The following TAS2R1 variants were observed in gnomAD, a reference collection of about 807,000 sequenced individuals.
TAS2R1 encodes the protein taste receptor type 2 member 1.
For synonymous variants in TAS2R1, 141 were observed against 134.2 expected, an observed-to-expected ratio of 1.05 and a Z score of -0.35; for missense variants, 370 against 353.4, an observed-to-expected ratio of 1.05 and a Z score of -0.38.
chr5:9,654,465 C>A (rs560494224), intron 2 of TAS2R1, among the ~76,000 whole-genome samples: 107 of 152,028 alleles, frequency 7.0e-4, no homozygotes, highest in African/African-American at 2.4e-3. Context: ...AGTCAGCAAT[C>A]TTTTGGAACA....
the TAS2R1 span, among the ~76,000 whole-genome samples, chr5:9,824,913 C>T: frequency 6.6e-6 from 1 of 151,088 alleles, no homozygotes; most frequent in Admixed American, 6.6e-5. Context: ...AGGTATCTAT[C>T]CCACCTGGAG....
At chr5:9,674,934 T>C (rs1188778918) in intron 1 of TAS2R1, among the ~76,000 whole-genome samples, 1 of 151,988 alleles carries the variant, frequency 6.6e-6, no homozygotes, top group African/African-American at 2.4e-5. Context: ...GACATTCTTG[T>C]GTATGTAAAA....
the TAS2R1 span, among the ~76,000 whole-genome samples, chr5:9,846,081 T>C: frequency 7.7e-3 from 1,166 of 152,312 alleles, 7 homozygotes; most frequent in Middle Eastern, 0.02. Context: ...TATTTTTTAA[T>C]AGTAGAAAAA....
At chr5:9,743,819 T>TGAGGAG in the TAS2R1 span, among the ~76,000 whole-genome samples, 1 of 151,864 alleles carries the variant, frequency 6.6e-6, no homozygotes, top group Non-Finnish European at 1.5e-5. Flanking sequence ...CAAAGGCAAG[T>TGAGGAG]GAGGAGGAGG....
the TAS2R1 span, among the ~76,000 whole-genome samples, chr5:9,840,806 T>C: frequency 6.6e-6 from 1 of 151,136 alleles, no homozygotes; most frequent in African/African-American, 2.4e-5. Flanking sequence ...ATGTTATCTA[T>C]TCACATTCAC....
At chr5:9,869,499 C>A in the TAS2R1 span, among the ~76,000 whole-genome samples, 1 of 152,116 alleles carries the variant, frequency 6.6e-6, no homozygotes, top group East Asian at 1.9e-4. Flanking sequence ...CAGGTCATTC[C>A]CACGACATGT....
At chr5:9,698,375 A>G (rs1274809003) in intron 1 of TAS2R1, among the ~76,000 whole-genome samples, 3 of 152,194 alleles carry the variant, frequency 2.0e-5, no homozygotes, top group Non-Finnish European at 4.4e-5. Flanking sequence ...ATGTTTGATC[A>G]CTACAGCAGT....
the TAS2R1 span, among the ~76,000 whole-genome samples, chr5:9,864,165 T>C: frequency 6.6e-6 from 1 of 152,188 alleles, no homozygotes; most frequent in African/African-American, 2.4e-5. Flanking sequence ...TAAGTGCATA[T>C]TTCTTCTTGA....
the TAS2R1 span, among the ~76,000 whole-genome samples, chr5:9,767,648 G>A: frequency 2.5e-4 from 38 of 152,230 alleles, no homozygotes; most frequent in South Asian, 2.1e-3. Context: ...AACCAGATCA[G>A]GTGGGGCGTG....
the TAS2R1 span, among the ~76,000 whole-genome samples, chr5:9,738,910 C>T: frequency 6.6e-6 from 1 of 152,118 alleles, no homozygotes; most frequent in African/African-American, 2.4e-5. Context: ...CACTATAAAG[C>T]TAAGCTGTGT....
the TAS2R1 span, among the ~76,000 whole-genome samples, chr5:9,744,847 CA>C: frequency 2.0e-5 from 3 of 152,116 alleles, no homozygotes; most frequent in Admixed American, 2.0e-4. Flanking sequence ...AACATGTATA[CA>C]ATGTTATGGT....
At chr5:9,687,184 T>C (rs960451993) in intron 1 of TAS2R1, among the ~76,000 whole-genome samples, 1 of 152,156 alleles carries the variant, frequency 6.6e-6, no homozygotes, top group Admixed American at 6.5e-5. Flanking sequence ...TTGGTCAGCA[T>C]AGTCTCGAAC....
At chr5:9,736,975 T>TCCCC in the TAS2R1 span, among the ~76,000 whole-genome samples, 9 of 152,356 alleles carry the variant, frequency 5.9e-5, no homozygotes, top group East Asian at 1.7e-3. Context: ...TGGCACTTTA[T>TCCCC]TTAACTCTTC....
chr5:9,709,626 C>T (rs1396931072), intron 1 of TAS2R1, among the ~76,000 whole-genome samples: 1 of 152,190 alleles, frequency 6.6e-6, no homozygotes, highest in Non-Finnish European at 1.5e-5. Context: ...TCTCTGAGGA[C>T]AGCCACTGCC....
At chr5:9,846,361 C>A in the TAS2R1 span, among the ~76,000 whole-genome samples, 1 of 152,176 alleles carries the variant, frequency 6.6e-6, no homozygotes, top group African/African-American at 2.4e-5. Flanking sequence ...CCATTCTGGT[C>A]TCCTCATAGT....
At chr5:9,832,589 T>C in the TAS2R1 span, among the ~76,000 whole-genome samples, 1 of 152,202 alleles carries the variant, frequency 6.6e-6, no homozygotes, top group South Asian at 2.1e-4. Context: ...AAATTAACTG[T>C]TGGGATTCAA....
the TAS2R1 span, among the ~76,000 whole-genome samples, chr5:9,805,983 T>C: frequency 8.9e-3 from 1,358 of 152,222 alleles, 17 homozygotes; most frequent in African/African-American, 0.031. Flanking sequence ...GACATGATTC[T>C]ATATCTAGAA....
chr5:9,799,725 T>C, the TAS2R1 span, among the ~76,000 whole-genome samples: 1 of 152,196 alleles, frequency 6.6e-6, no homozygotes, highest in Non-Finnish European at 1.5e-5. Context: ...TGGCATCTTT[T>C]ACTAAACTTT....
At chr5:9,828,132 A>AT in the TAS2R1 span, among the ~76,000 whole-genome samples, 332 of 150,986 alleles carry the variant, frequency 2.2e-3, 2 homozygotes, top group Non-Finnish European at 1.3e-3. Flanking sequence ...TTATTTATTT[A>AT]TTTATTTTTT....
Sources: gnomAD v4.1 joint callset for allele counts (sites outside exome capture counted in the v4.1 genomes callset) on GRCh38, gnomAD v4.1.1 for gene constraint, MANE v1.5 for transcripts, NCBI Gene and HGNC (gene_info 2026-07-23, HGNC 2026-07-21) for gene names.